Variants in DDX54 observed in about 807,000 individuals in gnomAD.
DDX54 encodes DEAD-box helicase 54, also known as ATP-dependent RNA helicase DDX54.
Under a neutral mutation model 105.5 loss-of-function variants are expected in DDX54, and 67 were observed. That is an observed-to-expected ratio of 0.64 (90% confidence interval 0.52 to 0.78). DDX54 has a LOEUF of 0.78. DDX54 is among the 30% of genes least tolerant of loss of function. The probability of loss-of-function intolerance (pLI) is 0.00; values close to 1 mark genes in which losing one functional copy is unlikely to be tolerated. For synonymous variants in DDX54, 514 were observed against 509.9 expected, an observed-to-expected ratio of 1.01 and a Z score of -0.11; for missense variants, 1,206 against 1,230.5, an observed-to-expected ratio of 0.98 and a Z score of 0.30.
chr12:113,184,104 A>G (rs1003979514), intron 1 of DDX54, among the ~76,000 whole-genome samples: 1 of 151,402 alleles, frequency 6.6e-6, no homozygotes, highest in South Asian at 2.1e-4. Flanking sequence ...ATGCCACCAC[A>G]CCTGGCTATT....
At chr12:113,172,178 C>A (rs1312149761) in intron 11 of DDX54, among the ~76,000 whole-genome samples, 175 bp downstream of exon 11, 5 of 150,894 alleles carry the variant, frequency 3.3e-5, no homozygotes, top group African/African-American at 9.7e-5. Context: ...CAGGCTGGAT[C>A]GCAGTGGCAC....
Position 113,172,345 on chromosome 12 carries a change from C to A in DDX54, c.1279+8G>T. ...TGCCTGCCCCAGGGCCAGCCACGGGCTGCTTACCCACGCGGTGCAGGAAGA... is the reference window on the plus strand; with the variant it reads ...TGCCTGCCCCAGGGCCAGCCACGGGATGCTTACCCACGCGGTGCAGGAAGA... On this transcript the variant is annotated splice_region_variant and intron_variant, in intron 11 of 19. Coordinates refer to ENST00000306014, the MANE Select transcript of DDX54 (RefSeq NM_024072.4). 1.9e-6 allele frequency: 3 copies of A among 1,612,692 alleles called. No individual in the cohort carries two copies. The highest frequency in any genetic ancestry group is 2.5e-6 in the Non-Finnish European group (3 of 1,179,396).
Position 113,174,646 on chromosome 12 carries a change from G to A in DDX54, c.1062C>T (p.Leu354=). The A allele has an allele frequency of 6.2e-7, 1 of 1,611,866 alleles. No homozygotes were observed. The highest frequency in any genetic ancestry group is 1.1e-5 in the South Asian group (1 of 91,018). Residue 354 remains leucine (L), a synonymous_variant, in exon 10 of 20, where the codon CTC becomes CTT. Transcript: ENST00000306014. ...FVATKHHAEY[L]TELLTTQRVS... The stretch of plus-strand genomic sequence containing the variant: ...CACTCAGGACCCTGCTCACCTCAGT[G>A]AGGTACTCGGCGTGGTGCTTCGTGG...
chr12:113,185,057 C>G (rs1212271952), intron 1 of DDX54, among the ~76,000 whole-genome samples: 1 of 152,242 alleles, frequency 6.6e-6, no homozygotes, highest in Non-Finnish European at 1.5e-5. Flanking sequence ...GGCCCGCAGG[C>G]TCCAGCCCCG....
intron 4 of DDX54, 50 bp from the exon 5 acceptor site, chr12:113,179,076 C>G (rs376197103): frequency 2.0e-5 from 32 of 1,613,262 alleles, no homozygotes; most frequent in Non-Finnish European, 2.5e-5. Flanking sequence ...TGACAGCACA[C>G]TCGTGGCCTC....
intron 9 of DDX54, 41 bp from the exon 10 acceptor site, chr12:113,174,812 G>C: frequency 6.2e-7 from 1 of 1,614,218 alleles, no homozygotes; most frequent in Non-Finnish European, 8.5e-7. Flanking sequence ...ACGGGGTCCT[G>C]GCCCAGGGCC....
At position 113,161,334 on chromosome 12, in the gene DDX54, G is replaced by T. The variant is rs1952203063; in HGVS notation, c.2349C>A (p.Asp783Glu). The change falls in exon 19 of 20, where the codon GAC becomes GAA. Residue 783 changes from aspartate to glutamate, a missense_variant. By Grantham distance (45) the Asp-to-Glu change is conservative. Around this residue, in one of 3 missense-constraint regions of DDX54, gnomAD observed 961 missense variants for 1,019.1 expected, o/e 0.94. Transcript: ENST00000306014. ...CTCGCCGGTCAGATGCCCCTTCTTC[G>T]TCCGAGTCACGATCATCAATTTTCT... The part of the protein sequence containing the change: ...QKQKIDDRDS[D>E]EEGASDRRGP... 3 of 1,613,188 alleles carry T rather than the reference G, an allele frequency of 1.9e-6. No homozygotes were observed. Among genetic ancestry groups the T allele is most frequent in the Admixed American group, 1.7e-5 (1 of 59,926 alleles).
chr12:113,164,347 A>C, intron 14 of DDX54, 62 bp from the exon 15 acceptor site: 1 of 1,483,018 alleles, frequency 6.7e-7, no homozygotes, highest in Non-Finnish European at 9.0e-7. Context: ...CACCCTTACC[A>C]CTTGGTGGGC....
rs144699331 is a variant in DDX54, at chr12:113,161,299, C to T, written c.2384G>A (p.Arg795Gln). ...GCCACGGTCTCGCTTCCCACCTCTT[C>T]GCTCTGGGCCTCGCCGGTCAGATGC... ...EGASDRRGPERRGGKRDRGQG... is the reference protein window; with the variant it reads ...EGASDRRGPEQRGGKRDRGQG... The change falls in exon 19 of 20, where the codon CGA (arginine) becomes CAA (glutamine). Residue 795 changes from arginine to glutamine, a missense_variant. Coordinates refer to ENST00000306014, the MANE Select transcript of DDX54 (RefSeq NM_024072.4). The T allele has an allele frequency of 4.3e-6, 7 of 1,613,516 alleles. 1 individual carries two copies. Among genetic ancestry groups the T allele is most frequent in the South Asian group, 3.3e-5 (3 of 90,892 alleles).
chr12:113,180,832 T>C (rs1952457351), intron 2 of DDX54, 97 bp downstream of exon 2: 3 of 1,576,492 alleles, frequency 1.9e-6, no homozygotes, highest in Admixed American at 3.8e-5. Flanking sequence ...CCAACCACAG[T>C]GCTGGGCCCA....
At chr12:113,175,193 G>C (rs760121730) in intron 7 of DDX54, 36 bp from the exon 8 acceptor site, 6 of 1,559,098 alleles carry the variant, frequency 3.8e-6, no homozygotes, top group African/African-American at 2.7e-5. Flanking sequence ...GTCAGAGGGG[G>C]CCTTCACTCC....
chr12:113,175,087 C>G lies in DDX54; in HGVS notation c.823G>C (p.Val275Leu), dbSNP rs1265652963. The G allele has an allele frequency of 6.2e-7, 1 of 1,613,962 alleles. No individual in the cohort carries two copies. Among genetic ancestry groups the G allele is most frequent in the African/African-American group, 1.3e-5 (1 of 75,056 alleles). ...TTGGGCAGCGTGGCGGAGAACAGCA[C>G]CGTCTGGTGGCCCCCGGGGAGGCGG... ...IARLPGGHQT[V>L]LFSATLPKLL... The change falls in exon 8 of 20, where the codon GTG becomes CTG. Residue 275 changes from valine (V) to leucine (L), a missense_variant. Physicochemically the swap from Val to Leu is conservative, Grantham distance 32 (BLOSUM62 1). Around this residue, in one of 3 missense-constraint regions of DDX54, gnomAD observed 961 missense variants for 1,019.1 expected, o/e 0.94. Coordinates refer to ENST00000306014, the MANE Select transcript of DDX54 (RefSeq NM_024072.4).
At chr12:113,161,712 G>T (rs1045495359) in intron 18 of DDX54, among the ~76,000 whole-genome samples, 181 bp downstream of exon 18, 1 of 149,802 alleles carries the variant, frequency 6.7e-6, no homozygotes, top group African/African-American at 2.5e-5. Flanking sequence ...TGCTGCTGCT[G>T]AAGCTGCTCG....
rs374403009 is a variant in DDX54 at position 113,158,872 on chromosome 12, G to A, written c.*5C>T. The A allele has an allele frequency of 2.7e-4, 424 of 1,591,388 alleles. No homozygotes were observed. Among genetic ancestry groups the A allele is most frequent in the Non-Finnish European group, 3.3e-4 (386 of 1,164,462 alleles). On this transcript the variant is annotated 3_prime_UTR_variant, in exon 20 of 20. Transcript: ENST00000306014. The surrounding 1 kb of genome is among the most constrained non-coding windows in gnomAD (Gnocchi z 4.9). ...TCAAGGAGCCACGGGGCTGGGTCCTGGTCCTCACATCCTCTTCCGCATCTT... is the reference window on the plus strand; with the variant it reads ...TCAAGGAGCCACGGGGCTGGGTCCTAGTCCTCACATCCTCTTCCGCATCTT...
chr12:113,181,408 T>C (rs1952465972), intron 1 of DDX54, among the ~76,000 whole-genome samples: 1 of 152,030 alleles, frequency 6.6e-6, no homozygotes, highest in African/African-American at 2.4e-5. Context: ...GTCTCCCACC[T>C]TAGACTTCTG....
At chr12:113,162,796 G>A in intron 17 of DDX54, 136 bp downstream of exon 17, 1 of 804,508 alleles carries the variant, frequency 1.2e-6, no homozygotes, top group Non-Finnish European at 1.9e-6. Flanking sequence ...CGGGCATGGA[G>A]GGGCGGCTCA....
At chr12:113,165,158 A>G (rs752680775) in intron 14 of DDX54, among the ~76,000 whole-genome samples, 3 of 152,196 alleles carry the variant, frequency 2.0e-5, no homozygotes, top group Non-Finnish European at 4.4e-5. Flanking sequence ...CACTCTCTCC[A>G]GCTCCTCTCC....
chr12:113,169,988 G>A (rs1264180011), intron 11 of DDX54, 84 bp from the exon 12 acceptor site: 3 of 1,552,340 alleles, frequency 1.9e-6, no homozygotes, highest in East Asian at 4.6e-5. Context: ...CCCTGAGCAG[G>A]TGAGCCTGGC....
In DDX54 at chr12:113,163,038, T is replaced by C. The variant is rs774154228; in HGVS notation, c.2089A>G (p.Ile697Val). The part of the protein sequence containing the change: ...KDFDSERGLS[I>V]SGEGGAFEQQ... Reference sequence around the variant, plus strand: ...TCAAAGGCTCCCCCTTCCCCGCTGATGCTCAGGCTGCAGAGGGAGAGTGGG... The same window carrying C: ...TCAAAGGCTCCCCCTTCCCCGCTGACGCTCAGGCTGCAGAGGGAGAGTGGG... Residue 697 changes from isoleucine to valine, a missense_variant, in exon 17 of 20, where the codon ATC (isoleucine) becomes GTC (valine). By Grantham distance (29) the Ile-to-Val change is conservative. Coordinates refer to ENST00000306014, the MANE Select transcript of DDX54 (RefSeq NM_024072.4). The surrounding 1 kb of genome is among the most constrained non-coding windows in gnomAD (Gnocchi z 5.9). 1.9e-6 allele frequency: 3 copies of C among 1,609,244 alleles called. No individual in the cohort carries two copies. The Admixed American group carries it at 5.0e-5, about 27-fold the overall frequency.
Sources: allele counts gnomAD v4.1 joint callset (sites outside exome capture counted in the v4.1 genomes callset), GRCh38; gene constraint gnomAD v4.1.1; regional missense constraint gnomAD v4.1.1; non-coding constraint Gnocchi (gnomAD v3.1); transcripts MANE v1.5; gene names NCBI Gene and HGNC (gene_info 2026-07-23, HGNC 2026-07-21).